The following DPP10 variants were observed in gnomAD, a reference collection of about 807,000 sequenced individuals.
DPP10 encodes the protein dipeptidyl peptidase like 10, also known as inactive dipeptidyl peptidase 10.
A neutral mutation model predicts 120.9 loss-of-function variants in DPP10; 33 were observed. The ratio of observed to expected loss-of-function variants is 0.27; its 90% CI spans 0.21 to 0.37. DPP10 has a LOEUF of 0.37. DPP10 is among the 10% of genes least tolerant of loss of function. The probability of loss-of-function intolerance (pLI) is 1.00; values close to 1 mark genes in which losing one functional copy is unlikely to be tolerated. For missense variants in DPP10, 816 were observed against 942.8 expected (o/e 0.87, Z 1.76); for synonymous variants, 337 against 326.1 (o/e 1.03, Z -0.36).
In DPP10 at chr2:115,102,517, T is replaced by C. The variant is rs527646899; in HGVS notation, c.61-206722T>C. On this transcript the variant is annotated intron_variant, in intron 1 of 25. Coordinates refer to ENST00000410059, the MANE Select transcript of DPP10 (RefSeq NM_020868.6). ...CCTCCACCTCCCAAGTTTAAGTGATTCTCCTGCCTCAGCCTCCCAAGTAGC... is the reference window on the plus strand; with the variant it reads ...CCTCCACCTCCCAAGTTTAAGTGATCCTCCTGCCTCAGCCTCCCAAGTAGC... Among the ~76,000 whole-genome samples, 118 of 152,154 alleles carry C rather than the reference T, an allele frequency of 7.8e-4. 1 individual carries two copies. In the Middle Eastern group the frequency reaches 0.02, roughly 26 times the overall value.
chr2:114,969,420 A>G (rs1446647875), intron 1 of DPP10, among the ~76,000 whole-genome samples: 1 of 152,238 alleles, frequency 6.6e-6, no homozygotes, highest in Non-Finnish European at 1.5e-5. Flanking sequence ...TCTAAATTAT[A>G]CAGAGATTAT....
chr2:114,931,430 T>C (rs940780791), intron 1 of DPP10, among the ~76,000 whole-genome samples: 12 of 152,144 alleles, frequency 7.9e-5, no homozygotes, highest in Admixed American at 5.9e-4. Flanking sequence ...GGCCATGCCT[T>C]GCTCTTTCTA....
intron 3 of DPP10, among the ~76,000 whole-genome samples, chr2:115,371,204 G>A (rs887896959): frequency 2.0e-5 from 3 of 151,886 alleles, no homozygotes; most frequent in African/African-American, 7.3e-5. Flanking sequence ...TCACCCGCCC[G>A]TCATGTGAAT....
chr2:114,948,681 A>C (rs1158436505), intron 1 of DPP10, among the ~76,000 whole-genome samples: 1 of 152,126 alleles, frequency 6.6e-6, no homozygotes, highest in Admixed American at 6.6e-5. Context: ...TTTTGTTACT[A>C]TCTTGTCAAG....
At chr2:115,701,437 G>A (rs1355243251) in intron 7 of DPP10, among the ~76,000 whole-genome samples, 1 of 151,986 alleles carries the variant, frequency 6.6e-6, no homozygotes. Context: ...ACTTAACTCA[G>A]ATTGGATCAA....
chr2:115,178,291 AC>A (rs1401465466), intron 1 of DPP10, among the ~76,000 whole-genome samples: 2 of 152,258 alleles, frequency 1.3e-5, no homozygotes, highest in Admixed American at 6.5e-5. Flanking sequence ...ACCGGAGTAG[AC>A]AAGGGCATGG....
intron 1 of DPP10, among the ~76,000 whole-genome samples, chr2:115,010,720 A>T (rs975788144): frequency 4.6e-5 from 7 of 152,178 alleles, no homozygotes; most frequent in African/African-American, 9.7e-5. Context: ...CCATCATTTT[A>T]TGAACAAAAT....
intron 1 of DPP10, among the ~76,000 whole-genome samples, chr2:114,980,618 A>G (rs993803878): frequency 2.0e-5 from 3 of 150,162 alleles, no homozygotes; most frequent in African/African-American, 7.4e-5. Flanking sequence ...CTTAGAAGGA[A>G]CAAAAAGAAT....
intron 1 of DPP10, among the ~76,000 whole-genome samples, chr2:114,699,057 C>T (rs1415737706): frequency 6.6e-6 from 1 of 152,098 alleles, no homozygotes; most frequent in Non-Finnish European, 1.5e-5. Context: ...CAATCCACTT[C>T]AAACCTGTTG....
chr2:114,547,474 C>T (rs1038650537), intron 1 of DPP10, among the ~76,000 whole-genome samples: 30 of 151,410 alleles, frequency 2.0e-4, no homozygotes, highest in Non-Finnish European at 2.9e-4. Flanking sequence ...TTCCTTTTTC[C>T]ATAAAGCAGC....
chr2:114,593,957 T>G (rs1691673747), intron 1 of DPP10, among the ~76,000 whole-genome samples: 1 of 152,168 alleles, frequency 6.6e-6, no homozygotes, highest in South Asian at 2.1e-4. Flanking sequence ...AAGTGAGTCC[T>G]CAATGTGTCA....
intron 1 of DPP10, among the ~76,000 whole-genome samples, chr2:115,207,197 A>G (rs368601554): frequency 1.2e-4 from 19 of 152,224 alleles, no homozygotes; most frequent in African/African-American, 3.9e-4. Flanking sequence ...ACATTATATC[A>G]TTGTGTGTTT....
At chr2:114,572,078 C>A (rs1689702159) in intron 1 of DPP10, among the ~76,000 whole-genome samples, 1 of 150,748 alleles carries the variant, frequency 6.6e-6, no homozygotes, top group Non-Finnish European at 1.5e-5. Context: ...AATGAATAAC[C>A]ACTACCATCC....
chr2:115,317,456 A>G (rs1258924251), intron 2 of DPP10, among the ~76,000 whole-genome samples: 1 of 152,034 alleles, frequency 6.6e-6, no homozygotes, highest in East Asian at 1.9e-4. Flanking sequence ...GTTTGAGTCC[A>G]TGTTTTTAGT....
intron 3 of DPP10, among the ~76,000 whole-genome samples, chr2:115,356,132 T>A (rs2106329048): frequency 6.6e-6 from 1 of 152,142 alleles, no homozygotes; most frequent in Admixed American, 6.5e-5. Flanking sequence ...ATTGAATCTA[T>A]AAATTACTTT....
chr2:114,674,829 T>C (rs1282418910), intron 1 of DPP10, among the ~76,000 whole-genome samples: 3 of 152,206 alleles, frequency 2.0e-5, no homozygotes, highest in Non-Finnish European at 4.4e-5. Context: ...GGATTTCATC[T>C]AAAAACGGAG....
intron 3 of DPP10, among the ~76,000 whole-genome samples, chr2:115,361,665 G>A (rs1367532249): frequency 1.3e-5 from 2 of 152,124 alleles, no homozygotes. Flanking sequence ...GAGGTCTGTG[G>A]CAGGAGTGTG....
chr2:115,052,995 G>T (rs143451185), intron 1 of DPP10, among the ~76,000 whole-genome samples: 2 of 151,028 alleles, frequency 1.3e-5, no homozygotes, highest in African/African-American at 4.9e-5. Context: ...TGGTGGGCAC[G>T]TGAGAGAACT....
chr2:115,759,681 A>C (rs1679861249), intron 11 of DPP10, among the ~76,000 whole-genome samples: 1 of 136,904 alleles, frequency 7.3e-6, no homozygotes, highest in Non-Finnish European at 1.5e-5. Context: ...ATATATACAC[A>C]CACACATATA....
Sources: allele counts gnomAD v4.1 joint callset (sites outside exome capture counted in the v4.1 genomes callset), GRCh38; gene constraint gnomAD v4.1.1; transcripts MANE v1.5; gene names NCBI Gene and HGNC (gene_info 2026-07-23, HGNC 2026-07-21).